SLC7A6: variants seen among roughly 807,000 people sequenced by gnomAD.
SLC7A6 encodes the protein Y+L amino acid transporter 2.
Under a neutral mutation model 46.6 loss-of-function variants are expected in SLC7A6, and 29 were observed. The observed-to-expected ratio is 0.62, with a 90% CI of 0.46 to 0.85. The LOEUF is 0.85. Ranked by LOEUF, SLC7A6 falls within the 40% of genes least tolerant of loss-of-function variation. SLC7A6 has a pLI of 0.00. For missense variants in SLC7A6, 527 were observed against 647.6 expected, an observed-to-expected ratio of 0.81 and a Z score of 2.02; for synonymous variants, 276 against 257.3, an observed-to-expected ratio of 1.07 and a Z score of -0.70.
chr16:68,277,945 A>T (rs1357920719), intron 3 of SLC7A6, among the ~76,000 whole-genome samples: 2 of 148,240 alleles, frequency 1.3e-5, no homozygotes, highest in Admixed American at 6.8e-5. Flanking sequence ...TATTATTATT[A>T]TTTTTCTTTT....
Position 68,296,785 on chromosome 16 carries a change from G to T in SLC7A6, c.1428G>T (p.Arg476Ser). 1 of 1,614,074 alleles carries T rather than the reference G, an allele frequency of 6.2e-7. No homozygotes were observed. Among genetic ancestry groups the T allele is most frequent in the South Asian group, 1.1e-5 (1 of 91,072 alleles). The change falls in exon 10 of 11, where the codon AGG (arginine) becomes AGT (serine). Residue 476 changes from arginine (R) to serine (S), a missense_variant. Arg to Ser is a moderately radical substitution (Grantham distance 110). Coordinates refer to ENST00000219343, the MANE Select transcript of SLC7A6 (RefSeq NM_003983.6). ...GTGTTTACCTGCCAGAGTCCCGGAG[G>T]CCATTGTTTATTCGGAATGTCCTGG... Reference protein sequence around the residue: ...FMGVYLPESRRPLFIRNVLAA... With the variant: ...FMGVYLPESRSPLFIRNVLAA...
intron 5 of SLC7A6, 107 bp from the exon 6 acceptor site, chr16:68,291,102 A>G: frequency 7.0e-7 from 1 of 1,432,766 alleles, no homozygotes; most frequent in Non-Finnish European, 9.8e-7. Context: ...AAAGACTTGG[A>G]GGCTAGTGAA....
At chr16:68,284,088 GTACT>G (rs998840031) in intron 3 of SLC7A6, 6 of 153,010 alleles carry the variant, frequency 3.9e-5, no homozygotes, top group African/African-American at 1.5e-4. Context: ...GTTGAAGGGC[GTACT>G]CACTCTCAGG....
intron 1 of SLC7A6, among the ~76,000 whole-genome samples, chr16:68,265,081 CA>C (rs1205765420): frequency 1.3e-5 from 2 of 152,196 alleles, no homozygotes; most frequent in East Asian, 3.9e-4. Flanking sequence ...GACGCGGGCT[CA>C]GGACCTCAGG....
rs1272185302 is a variant in SLC7A6, at chr16:68,296,612, C to T, written c.1270-15C>T. ...TCTTCCCACGTTACTTAATCTCTCACCCCCTCTATTTCAGCTGAGCGTGTT... is the reference window on the plus strand; with the variant it reads ...TCTTCCCACGTTACTTAATCTCTCATCCCCTCTATTTCAGCTGAGCGTGTT... On this transcript the variant is annotated splice_polypyrimidine_tract_variant and intron_variant, in intron 9 of 10. Coordinates refer to ENST00000219343, the MANE Select transcript of SLC7A6 (RefSeq NM_003983.6). 1 of 1,614,064 alleles carries T rather than the reference C, an allele frequency of 6.2e-7. No homozygotes were observed. The highest frequency in any genetic ancestry group is 1.1e-5 in the South Asian group (1 of 91,074).
chr16:68,291,762 G>GTGTGT, intron 7 of SLC7A6, 101 bp downstream of exon 7: 1 of 545,992 alleles, frequency 1.8e-6, no homozygotes, highest in Non-Finnish European at 3.2e-6. Context: ...GGGCATATAG[G>GTGTGT]GTGTGTGTGT....
intron 3 of SLC7A6, chr16:68,284,570 G>T: frequency 2.6e-6 from 2 of 757,824 alleles, no homozygotes; most frequent in Non-Finnish European, 3.2e-6. Context: ...ATATTTACCT[G>T]TGCACAGAGA....
chr16:68,301,168 T>C lies in SLC7A6; in HGVS notation c.*3840T>C. 1 of 1,493,214 alleles carries C rather than the reference T, an allele frequency of 6.7e-7. No individual in the cohort carries two copies. The highest frequency in any genetic ancestry group is 9.0e-7 in the Non-Finnish European group (1 of 1,116,480). 92.5% of individuals were successfully genotyped at this position (1,493,214 alleles called of 1,614,324 possible). A position where few individuals can be genotyped will look rare whatever the true frequency, so the allele number is the denominator to read the frequency against. Reference sequence around the variant, plus strand: ...CCGATATGCTTGATATGCTTTTCCTTCCACATGTTAAGCTAGGAAACCTAA... The same window carrying C: ...CCGATATGCTTGATATGCTTTTCCTCCCACATGTTAAGCTAGGAAACCTAA... On this transcript the variant is annotated 3_prime_UTR_variant, in exon 11 of 11. Transcript: ENST00000219343.
At position 68,296,676 on chromosome 16, in the gene SLC7A6, T is replaced by C; in HGVS notation, c.1319T>C (p.Val440Ala). 1 of 1,614,194 alleles carries C rather than the reference T, an allele frequency of 6.2e-7. No homozygotes were observed. The highest frequency in any genetic ancestry group is 8.5e-7 in the Non-Finnish European group (1 of 1,180,022). The change falls in exon 10 of 11, where the codon GTG becomes GCG. Residue 440 changes from valine to alanine, a missense_variant. Transcript: ENST00000219343. ...TTCTGCATATGCTCCGTGTTTCTGG[T>C]GATAGTGCCCCTCTTCACTGACACC... ...IVFCICSVFL[V>A]IVPLFTDTIN...
chr16:68,301,461 G>A lies in SLC7A6; in HGVS notation c.*4133G>A. On this transcript the variant is annotated 3_prime_UTR_variant, in exon 11 of 11. Coordinates refer to ENST00000219343, the MANE Select transcript of SLC7A6 (RefSeq NM_003983.6). ...ATGTGATTTTCCTAGGCTACTGCAG[G>A]AGCCCCTTCTCTTCTCAGAAAGGTC... 1 of 1,522,618 alleles carries A rather than the reference G, an allele frequency of 6.6e-7. No homozygotes were observed. Among genetic ancestry groups the A allele is most frequent in the East Asian group, 2.3e-5 (1 of 42,752 alleles). 94.3% of individuals were successfully genotyped at this position (1,522,618 alleles called of 1,614,324 possible). A position where few individuals can be genotyped will look rare whatever the true frequency, so the allele number is the denominator to read the frequency against.
intron 4 of SLC7A6, among the ~76,000 whole-genome samples, chr16:68,289,211 T>C (rs1208717558): frequency 6.6e-6 from 1 of 152,036 alleles, no homozygotes; most frequent in Admixed American, 6.5e-5. Context: ...GAGAATCGCC[T>C]TAAACTGGGA....
chr16:68,293,213 C>T (rs1039837621), intron 7 of SLC7A6, among the ~76,000 whole-genome samples: 5 of 152,028 alleles, frequency 3.3e-5, no homozygotes, highest in South Asian at 2.1e-4. Context: ...GTCAGGAGTT[C>T]GAGACCAGCC....
rs1159359178 is a variant in SLC7A6, at chr16:68,298,949, C to G, written c.*1621C>G. On this transcript the variant is annotated 3_prime_UTR_variant, in exon 11 of 11. Coordinates refer to ENST00000219343, the MANE Select transcript of SLC7A6 (RefSeq NM_003983.6). ...TCCCTTCCTGACCATTCTTCTCCAC[C>G]CAGTCACAGATAAGGGAATAACCTT... 1 of 152,604 alleles carries G rather than the reference C, an allele frequency of 6.6e-6. No homozygotes were observed. The highest frequency in any genetic ancestry group is 2.4e-5 in the African/African-American group (1 of 41,430). The allele number at this position is 152,604 out of a possible 1,614,324, so 9.5% of individuals were successfully genotyped here. A position where few individuals can be genotyped will look rare whatever the true frequency, so the allele number is the denominator to read the frequency against.
At position 68,300,984 on chromosome 16, in the gene SLC7A6, T is replaced by C; in HGVS notation, c.*3656T>C. On this transcript the variant is annotated 3_prime_UTR_variant, in exon 11 of 11. Coordinates refer to ENST00000219343, the MANE Select transcript of SLC7A6 (RefSeq NM_003983.6). ...GAACCTGAATGCCAGGAAAAATTCC[T>C]GGGCCAAGAAGCTAAAGCTAAAGAA... is the stretch of plus-strand genomic sequence containing the variant. 1 of 1,044,422 alleles carries C rather than the reference T, an allele frequency of 9.6e-7. No homozygotes were observed. Among genetic ancestry groups the C allele is most frequent in the African/African-American group, 1.7e-5 (1 of 59,548 alleles). 64.7% of individuals were successfully genotyped at this position (1,044,422 alleles called of 1,614,324 possible). A position where few individuals can be genotyped will look rare whatever the true frequency, so the allele number is the denominator to read the frequency against.
At chr16:68,283,293 C>G (rs1406820771) in intron 3 of SLC7A6, among the ~76,000 whole-genome samples, 1 of 152,174 alleles carries the variant, frequency 6.6e-6, no homozygotes, top group Non-Finnish European at 1.5e-5. Flanking sequence ...CTTCAGGGAG[C>G]CAGGTTTATT....
intron 1 of SLC7A6, among the ~76,000 whole-genome samples, chr16:68,265,344 T>G (rs886672439): frequency 1.3e-5 from 2 of 152,164 alleles, no homozygotes; most frequent in South Asian, 4.1e-4. Flanking sequence ...TTTGCTGGGC[T>G]CTAAGCAAAC....
At chr16:68,287,081 G>A (rs1458134255) in intron 3 of SLC7A6, among the ~76,000 whole-genome samples, 1 of 150,660 alleles carries the variant, frequency 6.6e-6, no homozygotes, top group African/African-American at 2.4e-5. Flanking sequence ...AGGCTCAAGC[G>A]ACCCTCCCTC....
chr16:68,284,539 G>T, intron 3 of SLC7A6: 1 of 515,030 alleles, frequency 1.9e-6, no homozygotes, highest in Non-Finnish European at 2.5e-6. Context: ...TTAGCACATA[G>T]TTGAATTTCC....
intron 10 of SLC7A6, 138 bp downstream of exon 10, chr16:68,296,948 G>C: frequency 1.1e-6 from 1 of 899,266 alleles, no homozygotes; most frequent in Admixed American, 2.8e-5. Flanking sequence ...CTTCCCTTTT[G>C]ATTTTGACAT....
Sources: gnomAD v4.1 joint callset for allele counts (sites outside exome capture counted in the v4.1 genomes callset) on GRCh38, gnomAD v4.1.1 for gene constraint, MANE v1.5 for transcripts, NCBI Gene and HGNC (gene_info 2026-07-23, HGNC 2026-07-21) for gene names.